The following MED12L variants were observed in gnomAD, a reference collection of about 807,000 sequenced individuals.
MED12L encodes mediator complex subunit 12L, also known as mediator of RNA polymerase II transcription subunit 12-like protein.
Under a neutral mutation model 281.3 loss-of-function variants are expected in MED12L, and 60 were observed. The observed-to-expected ratio is 0.21, with a 90% CI of 0.17 to 0.26. The LOEUF (loss-of-function observed/expected upper bound fraction) is 0.26. MED12L is among the 10% of genes least tolerant of loss of function. The pLI is 1.00. For missense variants in MED12L, 2,146 were observed against 2,680.9 expected (o/e 0.80, Z 4.41); for synonymous variants, 974 against 987.2 (o/e 0.99, Z 0.25).
chr3:151,264,141 T>C lies in MED12L; in HGVS notation c.2250+70475T>C, dbSNP rs945335992. Among the ~76,000 whole-genome samples, 8 of 152,394 alleles carry C rather than the reference T, an allele frequency of 5.2e-5. No homozygotes were observed. The South Asian group carries it at 1.4e-3, about 28-fold the overall frequency. On this transcript the variant is annotated intron_variant, in intron 16 of 44. Coordinates refer to ENST00000687756, the MANE Select transcript of MED12L (RefSeq NM_001393769.1). ...GTTACTGGACATTTGGGTTATTTCA[T>C]TGTTCAGTGTTTAAAGATCTCTGTA...
At chr3:151,181,620 C>G (rs142580869) in intron 11 of MED12L, among the ~76,000 whole-genome samples, 1 of 122,032 alleles carries the variant, frequency 8.2e-6, no homozygotes, top group African/African-American at 3.0e-5. Context: ...GAGTCTCACT[C>G]TGCTGCCCAG....
chr3:151,292,978 A>G (rs1264537882), intron 16 of MED12L, among the ~76,000 whole-genome samples: 1 of 152,216 alleles, frequency 6.6e-6, no homozygotes, highest in Admixed American at 6.5e-5. Context: ...TGAGGTATAT[A>G]TAAATTCATG....
chr3:151,100,452 T>C (rs1295240499), intron 2 of MED12L, among the ~76,000 whole-genome samples: 1 of 152,222 alleles, frequency 6.6e-6, no homozygotes, highest in Non-Finnish European at 1.5e-5. Flanking sequence ...AATAAAAATG[T>C]ATTTTGTTTG....
At chr3:151,180,699 T>G (rs1045354798) in intron 11 of MED12L, among the ~76,000 whole-genome samples, 6 of 152,224 alleles carry the variant, frequency 3.9e-5, no homozygotes, top group African/African-American at 1.4e-4. Flanking sequence ...TTAAATTGGG[T>G]GAGTCAAATC....
chr3:151,128,673 G>A (rs2082267), intron 5 of MED12L, among the ~76,000 whole-genome samples: 45 of 152,286 alleles, frequency 3.0e-4, no homozygotes, highest in African/African-American at 1.0e-3. Flanking sequence ...CATTTCTGCA[G>A]GAGGCTTTCT....
intron 27 of MED12L, among the ~76,000 whole-genome samples, chr3:151,374,921 A>T (rs1276307540): frequency 6.6e-6 from 1 of 152,148 alleles, no homozygotes; most frequent in Non-Finnish European, 1.5e-5. Flanking sequence ...TATTTGTTTT[A>T]AAAGTTCTCT....
At chr3:151,095,773 G>A (rs1720633863) in intron 2 of MED12L, among the ~76,000 whole-genome samples, 1 of 151,992 alleles carries the variant, frequency 6.6e-6, no homozygotes, top group African/African-American at 2.4e-5. Flanking sequence ...AGGCTCAGTG[G>A]TGCATGCCTG....
At position 151,149,869 on chromosome 3, in the gene MED12L, C is replaced by A. The variant is rs1246798488; in HGVS notation, c.557-6292C>A. ...TGCTCATTTATGAGAGGCAACTCTT[C>A]ATGCTTAATTTTACTGGGAGGTTGC... is the stretch of plus-strand genomic sequence containing the variant. On this transcript the variant is annotated intron_variant, in intron 5 of 44. Transcript: ENST00000687756. 1.3e-5 allele frequency among the ~76,000 whole-genome samples: 2 copies of A among 152,194 alleles called. 1 individual carries two copies. Among genetic ancestry groups the A allele is most frequent in the Non-Finnish European group, 2.9e-5 (2 of 68,042 alleles).
intron 36 of MED12L, among the ~76,000 whole-genome samples, chr3:151,387,062 A>G (rs531256050): frequency 1.3e-5 from 2 of 152,328 alleles, no homozygotes; most frequent in Middle Eastern, 3.4e-3. Context: ...ATAGATAACA[A>G]CAGTAACACT....
At chr3:151,168,940 C>T (rs1343611789) in intron 11 of MED12L, among the ~76,000 whole-genome samples, 1 of 151,954 alleles carries the variant, frequency 6.6e-6, no homozygotes, top group African/African-American at 2.4e-5. Flanking sequence ...CTTGGACTCT[C>T]AAAGTGCTGG....
At chr3:151,294,095 G>A in intron 16 of MED12L, 1 of 927,892 alleles carries the variant, frequency 1.1e-6, no homozygotes, top group Admixed American at 2.3e-5. Context: ...TTTTTGATGG[G>A]CTCAAGCAAG....
At chr3:151,198,265 A>G in intron 16 of MED12L, 1 of 547,412 alleles carries the variant, frequency 1.8e-6, no homozygotes. Flanking sequence ...CTTGACTTGC[A>G]TTTAGAAACA....
intron 16 of MED12L, among the ~76,000 whole-genome samples, chr3:151,344,181 A>T (rs913934438): frequency 2.6e-5 from 4 of 152,076 alleles, no homozygotes; most frequent in African/African-American, 9.7e-5. Context: ...TAGATATATA[A>T]ATATCAGTCA....
At chr3:151,378,665 T>A (rs1711661236) in intron 31 of MED12L, among the ~76,000 whole-genome samples, 1 of 152,138 alleles carries the variant, frequency 6.6e-6, no homozygotes, top group South Asian at 2.1e-4. Flanking sequence ...ATTTATTTTA[T>A]GCCCAAGAAA....
chr3:151,193,413 G>A (rs1347807375), intron 15 of MED12L, 77 bp from the exon 16 acceptor site: 1 of 1,110,028 alleles, frequency 9.0e-7, no homozygotes, highest in East Asian at 2.4e-5. Flanking sequence ...TTATGTGTGT[G>A]TTTTGGTATG....
At position 151,411,515 on chromosome 3, in the gene MED12L, A is replaced by G. The variant is rs759072767; in HGVS notation, c.6140+8A>G. ...CCTGACTGGCTCTCAGAGGTGATAC[A>G]TGTGGAAATGATGATGGCAATAATG... is the stretch of plus-strand genomic sequence containing the variant. On this transcript the variant is annotated splice_region_variant and intron_variant, in intron 41 of 44. Coordinates refer to ENST00000687756, the MANE Select transcript of MED12L (RefSeq NM_001393769.1). 11 of 1,611,566 alleles carry G rather than the reference A, an allele frequency of 6.8e-6. No homozygotes were observed. Among genetic ancestry groups the G allele is most frequent in the African/African-American group, 1.3e-5 (1 of 74,872 alleles).
chr3:151,172,120 A>T (rs1484444911), intron 11 of MED12L, among the ~76,000 whole-genome samples: 4 of 152,188 alleles, frequency 2.6e-5, no homozygotes, highest in African/African-American at 9.7e-5. Flanking sequence ...TGTGGGAGAG[A>T]GTACGTGCAG....
At chr3:151,175,344 A>C (rs1022089577) in intron 11 of MED12L, among the ~76,000 whole-genome samples, 8 of 152,190 alleles carry the variant, frequency 5.3e-5, no homozygotes, top group Non-Finnish European at 1.2e-4. Flanking sequence ...TCATTTATAA[A>C]CATGTCCTTT....
At position 151,369,930 on chromosome 3, in the gene MED12L, T is replaced by C. The variant is rs187096349; in HGVS notation, c.3664+381T>C. 1.1e-4 allele frequency among the ~76,000 whole-genome samples: 17 copies of C among 152,314 alleles called. No homozygotes were observed. In the East Asian group the frequency reaches 3.3e-3, roughly 29 times the overall value. On this transcript the variant is annotated intron_variant, in intron 26 of 44. Coordinates refer to ENST00000687756, the MANE Select transcript of MED12L (RefSeq NM_001393769.1). The stretch of plus-strand genomic sequence containing the variant: ...ATGTTTACATTTTATCCAGATTATA[T>C]TTCAGGAGCAGAACACCAGAAAATC...
Sources: gnomAD v4.1 joint callset for allele counts (sites outside exome capture counted in the v4.1 genomes callset) on GRCh38, gnomAD v4.1.1 for gene constraint, MANE v1.5 for transcripts, NCBI Gene and HGNC (gene_info 2026-07-23, HGNC 2026-07-21) for gene names.